H2BC4: variants seen among roughly 807,000 people sequenced by gnomAD.
H2BC4 encodes the protein H2B clustered histone 4.
H2BC4 carries 10 observed loss-of-function variants against 6.2 expected under a neutral mutation model. The observed-to-expected ratio is 1.61, with a 90% CI of 0.99 to 2.73. The LOEUF is 2.73. Ranked by LOEUF, H2BC4 falls within the 30% of genes most tolerant of loss-of-function variation. The pLI is 0.00. For missense variants in H2BC4, 176 were observed against 168.7 expected, an observed-to-expected ratio of 1.04 and a Z score of -0.24; for synonymous variants, 146 against 70.7, an observed-to-expected ratio of 2.07 and a Z score of -5.35.
downstream of H2BC4, among the ~76,000 whole-genome samples, chr6:26,122,784 G>T (rs1174328008): frequency 6.6e-6 from 1 of 152,188 alleles, no homozygotes; most frequent in Non-Finnish European, 1.5e-5. Context: ...TGAGCACTGG[G>T]ATTCAAGCAA....
chr6:26,114,579 C>T (rs1336352083), downstream of H2BC4, among the ~76,000 whole-genome samples: 2 of 151,832 alleles, frequency 1.3e-5, no homozygotes, highest in East Asian at 1.9e-4. Context: ...TTAGTATTTC[C>T]ACTTCATGAA....
At chr6:26,119,709 C>A (rs1239546209), downstream of H2BC4, among the ~76,000 whole-genome samples, 1 of 151,438 alleles carries the variant, frequency 6.6e-6, no homozygotes, top group Non-Finnish European at 1.5e-5. Context: ...AGAATATGAA[C>A]CCTAAACTTG....
In H2BC4 at chr6:26,123,912, C is replaced by T. The variant is rs748992796; in HGVS notation, c.-8G>A. 20 of 1,612,114 alleles carry T rather than the reference C, an allele frequency of 1.2e-5. No individual in the cohort carries two copies. The highest frequency in any genetic ancestry group is 5.1e-5 in the Admixed American group (3 of 59,188). ...CTTGGCTGGCTCAGGCATCTTAAAA[C>T]ACCAGAAATGTGTCGAAAGTAAAGA... is the stretch of plus-strand genomic sequence containing the variant. On this transcript the variant is annotated 5_prime_UTR_variant, in exon 1 of 1. Coordinates refer to ENST00000396984, the MANE Select transcript of H2BC4 (RefSeq NM_003526.3).
At chr6:26,115,101 T>C (rs769900915) in exon 2 of H2BC4, 3 of 152,138 alleles carry the variant, frequency 2.0e-5, no homozygotes, top group Non-Finnish European at 4.4e-5. Flanking sequence ...GTGACGACTG[T>C]TGGAAAAGAT....
At position 26,123,680 on chromosome 6, in the gene H2BC4, C is replaced by G; in HGVS notation, c.225G>C (p.Ala75=). The G allele has an allele frequency of 1.2e-6, 2 of 1,614,242 alleles. No individual in the cohort carries two copies. Among genetic ancestry groups the G allele is most frequent in the Non-Finnish European group, 8.5e-7 (1 of 1,180,046 alleles). Residue 75 remains alanine, a synonymous_variant, in exon 1 of 1, where the codon GCG becomes GCC. Coordinates refer to ENST00000396984, the MANE Select transcript of H2BC4 (RefSeq NM_003526.3). ...SFVNDIFERI[A]GEASRLAHYN... ...AATGCGCCAGGCGGGAAGCCTCGCC[C>G]GCGATGCGCTCAAATATGTCGTTAA...
chr6:26,123,437 C>T, downstream of H2BC4: 5 of 1,563,548 alleles, frequency 3.2e-6, no homozygotes, highest in South Asian at 2.4e-5. Context: ...TAAAATTTGG[C>T]GTCTGGCCAC....
chr6:26,123,486 CCTT>C lies in H2BC4; in HGVS notation c.*35_*37del, dbSNP rs1763542695. On this transcript the variant is annotated 3_prime_UTR_variant, in exon 1 of 1. Coordinates refer to ENST00000396984, the MANE Select transcript of H2BC4 (RefSeq NM_003526.3). ...GGTATCTGGGTGGCTCTTAAAAGAG[CCTT>C]TGGGGTTAGGTGTTAAGACGCTTAC... 1 of 1,613,298 alleles carries C rather than the reference CCTT, an allele frequency of 6.2e-7. No individual in the cohort carries two copies. Among genetic ancestry groups the C allele is most frequent in the Non-Finnish European group, 8.5e-7 (1 of 1,179,742 alleles).
downstream of H2BC4, among the ~76,000 whole-genome samples, chr6:26,119,808 C>CA (rs869089024): frequency 1.1e-5 from 1 of 89,304 alleles, no homozygotes; most frequent in Admixed American, 1.0e-4. Context: ...CCAATTTGTC[C>CA]AAAAAAAATC....
At chr6:26,123,418 G>C (rs1763539562), downstream of H2BC4, 3 of 1,539,406 alleles carry the variant, frequency 1.9e-6, no homozygotes, top group South Asian at 3.7e-5. Flanking sequence ...ATACCCCTCC[G>C]CCGCCAAATA....
In H2BC4 at chr6:26,123,848, C is replaced by T. The variant is rs757930563; in HGVS notation, c.57G>A (p.Val19=). ...TGCCATCTTTCTTCTGCGCTTTGGTCACTGCCTTCTTGGAGCCCTTCTTCG... is the reference window on the plus strand; with the variant it reads ...TGCCATCTTTCTTCTGCGCTTTGGTTACTGCCTTCTTGGAGCCCTTCTTCG... ...PAPKKGSKKA[V]TKAQKKDGKK... Residue 19 remains valine, a synonymous_variant, in exon 1 of 1, where the codon GTG becomes GTA. Transcript: ENST00000396984. 4.3e-6 allele frequency: 7 copies of T among 1,614,128 alleles called. No individual in the cohort carries two copies. The highest frequency in any genetic ancestry group is 4.5e-5 in the East Asian group (2 of 44,902).
chr6:26,123,852 G>A lies in H2BC4; in HGVS notation c.53C>T (p.Ala18Val). The change falls in exon 1 of 1, where the codon GCA becomes GTA. Residue 18 changes from alanine to valine, a missense_variant. Transcript: ENST00000396984. ...ATCTTTCTTCTGCGCTTTGGTCACT[G>A]CCTTCTTGGAGCCCTTCTTCGGGGC... ...APAPKKGSKK[A>V]VTKAQKKDGK... The A allele has an allele frequency of 1.9e-6, 3 of 1,614,226 alleles. No individual in the cohort carries two copies. The highest frequency in any genetic ancestry group is 2.2e-5 in the East Asian group (1 of 44,882).
At chr6:26,122,880 AGT>A (rs530910509), downstream of H2BC4, among the ~76,000 whole-genome samples, 24 of 152,322 alleles carry the variant, frequency 1.6e-4, no homozygotes, top group East Asian at 4.4e-3. Flanking sequence ...TTACATCTTT[AGT>A]TCTGTACTGC....
downstream of H2BC4, among the ~76,000 whole-genome samples, chr6:26,113,911 G>A (rs1249769734): frequency 2.0e-5 from 3 of 150,474 alleles, no homozygotes; most frequent in Non-Finnish European, 4.4e-5. Flanking sequence ...AAGACCAAGT[G>A]CAGAATCTTC....
chr6:26,117,916 T>C (rs1473511179), intron 1 of H2BC4, among the ~76,000 whole-genome samples: 1 of 147,502 alleles, frequency 6.8e-6, no homozygotes, highest in Non-Finnish European at 1.5e-5. Context: ...AATTAGTGAT[T>C]CTCTAGAAAC....
At chr6:26,123,291 C>G (rs1455761324), downstream of H2BC4, 4 of 693,340 alleles carry the variant, frequency 5.8e-6, no homozygotes. Flanking sequence ...TAAATTTAAG[C>G]ACAACGAATT....
downstream of H2BC4, chr6:26,123,336 C>A: frequency 9.8e-7 from 1 of 1,022,684 alleles, no homozygotes; most frequent in Non-Finnish European, 1.4e-6. Context: ...TGGCTTCTTT[C>A]GGGTTCAGGA....
downstream of H2BC4, among the ~76,000 whole-genome samples, chr6:26,114,334 A>G (rs1763393412): frequency 6.6e-6 from 1 of 152,212 alleles, no homozygotes. Flanking sequence ...ATGGCTAACA[A>G]GAAACATGGG....
At chr6:26,119,870 G>A (rs73391394), downstream of H2BC4, among the ~76,000 whole-genome samples, 2,378 of 151,696 alleles carry the variant, frequency 0.016, 65 homozygotes, top group African/African-American at 0.052. Context: ...AATAAAAGAG[G>A]TATTAATATT....
At chr6:26,119,519 G>T (rs1763471146), downstream of H2BC4, among the ~76,000 whole-genome samples, 1 of 152,010 alleles carries the variant, frequency 6.6e-6, no homozygotes, top group Non-Finnish European at 1.5e-5. Flanking sequence ...CTTATAATTA[G>T]TAACATAAAA....
Sources: gnomAD v4.1 joint callset for allele counts (sites outside exome capture counted in the v4.1 genomes callset) on GRCh38, gnomAD v4.1.1 for gene constraint, MANE v1.5 for transcripts, NCBI Gene and HGNC (gene_info 2026-07-23, HGNC 2026-07-21) for gene names.